KIF21A: variants seen among roughly 807,000 people sequenced by gnomAD.
The protein encoded by KIF21A is kinesin-like protein KIF21A.
In KIF21A, 114 loss-of-function variants were observed where a neutral mutation model predicts 202.9. The ratio of observed to expected loss-of-function variants is 0.56; its 90% CI spans 0.48 to 0.66. The LOEUF (loss-of-function observed/expected upper bound fraction) is 0.66, where lower values mean the gene tolerates loss of function less well. KIF21A is among the 30% of genes least tolerant of loss of function. The pLI, the probability that KIF21A is intolerant of heterozygous loss-of-function variation, is 0.00. For synonymous variants in KIF21A, 667 were observed against 670.8 expected (o/e 0.99, Z 0.09); for missense variants, 1,677 against 1,994.9 (o/e 0.84, Z 3.04).
At position 39,365,861 on chromosome 12, in the gene KIF21A, T is replaced by G. The variant is rs1949564615; in HGVS notation, c.903+489A>C. On this transcript the variant is annotated intron_variant, in intron 6 of 37. Transcript: ENST00000361418. Reference sequence around the variant, plus strand: ...CCCATCTCTACAAAAAATACAAAAATTATCTGGGTGTGGTGGCACTCGCCT... The same window carrying G: ...CCCATCTCTACAAAAAATACAAAAAGTATCTGGGTGTGGTGGCACTCGCCT... Among the ~76,000 whole-genome samples, 3 of 152,136 alleles carry G rather than the reference T, an allele frequency of 2.0e-5. No individual in the cohort carries two copies. The East Asian group carries it at 5.8e-4, about 29-fold the overall frequency.
intron 1 of KIF21A, among the ~76,000 whole-genome samples, chr12:39,420,176 C>T (rs1402124430): frequency 6.6e-6 from 1 of 151,878 alleles, no homozygotes; most frequent in African/African-American, 2.4e-5. Context: ...CTTCTCATTG[C>T]CCAACTGGAC....
At chr12:39,416,903 A>G (rs933672605) in intron 1 of KIF21A, among the ~76,000 whole-genome samples, 19 of 149,000 alleles carry the variant, frequency 1.3e-4, no homozygotes, top group African/African-American at 4.4e-4. Context: ...GTATATATAT[A>G]TGTACACACA....
chr12:39,411,060 C>T (rs928932129), intron 1 of KIF21A, among the ~76,000 whole-genome samples: 1 of 152,204 alleles, frequency 6.6e-6, no homozygotes, highest in Admixed American at 6.5e-5. Context: ...CAAGGCCTAA[C>T]TTAAACCTTG....
At chr12:39,369,958 C>G in intron 2 of KIF21A, 47 bp from the exon 3 acceptor site, 1 of 1,597,802 alleles carries the variant, frequency 6.3e-7, no homozygotes, top group Non-Finnish European at 8.6e-7. Context: ...TTAACATAAC[C>G]TTAAGAAACA....
intron 29 of KIF21A, among the ~76,000 whole-genome samples, chr12:39,317,457 A>G (rs962280191): frequency 1.3e-5 from 2 of 152,138 alleles, no homozygotes; most frequent in African/African-American, 4.8e-5. Context: ...CAATGTGTGG[A>G]TACTTTGTCA....
At chr12:39,392,904 A>T (rs150232007) in intron 1 of KIF21A, among the ~76,000 whole-genome samples, 1 of 148,470 alleles carries the variant, frequency 6.7e-6, no homozygotes, top group African/African-American at 2.5e-5. Flanking sequence ...AAATAAAAAG[A>T]TAATAAAATA....
intron 24 of KIF21A, among the ~76,000 whole-genome samples, chr12:39,328,570 T>C (rs370500640): frequency 4.6e-5 from 7 of 152,182 alleles, no homozygotes; most frequent in Non-Finnish European, 1.0e-4. Context: ...AACACAGATA[T>C]AGAAAAATAA....
At chr12:39,373,040 A>G (rs539384933) in intron 1 of KIF21A, among the ~76,000 whole-genome samples, 270 of 152,266 alleles carry the variant, frequency 1.8e-3, no homozygotes, top group African/African-American at 5.8e-3. Flanking sequence ...AGAATATTGC[A>G]AAGTCTTCTA....
intron 23 of KIF21A, 34 bp downstream of exon 23, chr12:39,330,712 C>CA (rs767613649): frequency 6.2e-7 from 1 of 1,606,390 alleles, no homozygotes; most frequent in East Asian, 2.2e-5. Flanking sequence ...AGCTACCATG[C>CA]AAATTCATTC....
At chr12:39,413,852 CAT>C (rs1953316357) in intron 1 of KIF21A, among the ~76,000 whole-genome samples, 1 of 151,988 alleles carries the variant, frequency 6.6e-6, no homozygotes, top group South Asian at 2.1e-4. Flanking sequence ...TCAAATGTAA[CAT>C]ATGGAATTAA....
At chr12:39,390,205 A>G (rs961779313) in intron 1 of KIF21A, among the ~76,000 whole-genome samples, 3 of 152,236 alleles carry the variant, frequency 2.0e-5, no homozygotes, top group African/African-American at 7.2e-5. Context: ...ACAACAACAA[A>G]AAAACACCTA....
intron 1 of KIF21A, among the ~76,000 whole-genome samples, chr12:39,375,661 T>A (rs1197030368): frequency 6.6e-6 from 1 of 152,088 alleles, no homozygotes; most frequent in East Asian, 1.9e-4. Flanking sequence ...CTCACATTAC[T>A]TATTGTACCA....
chr12:39,415,075 G>A (rs1268533950), intron 1 of KIF21A, among the ~76,000 whole-genome samples: 3 of 151,538 alleles, frequency 2.0e-5, no homozygotes, highest in Non-Finnish European at 2.9e-5. Flanking sequence ...TAGTCTAAAC[G>A]CACCTGAGAA....
chr12:39,326,375 A>AAC, intron 24 of KIF21A, 51 bp from the exon 25 acceptor site: 2 of 1,252,926 alleles, frequency 1.6e-6, no homozygotes, highest in Non-Finnish European at 2.3e-6. Context: ...CACAGTTTGA[A>AAC]TGGTGACTGC....
chr12:39,370,414 T>G (rs1949874901), intron 1 of KIF21A, among the ~76,000 whole-genome samples, 153 bp from the exon 2 acceptor site: 1 of 152,204 alleles, frequency 6.6e-6, no homozygotes, highest in Admixed American at 6.5e-5. Context: ...TAAATTGAAT[T>G]ATAATGAATC....
At chr12:39,391,550 C>A (rs1257734721) in intron 1 of KIF21A, among the ~76,000 whole-genome samples, 1 of 151,712 alleles carries the variant, frequency 6.6e-6, no homozygotes, top group South Asian at 2.1e-4. Context: ...CCAACCTGGG[C>A]AACATAGGAA....
At chr12:39,425,224 A>G (rs1954648784) in intron 1 of KIF21A, among the ~76,000 whole-genome samples, 1 of 152,096 alleles carries the variant, frequency 6.6e-6, no homozygotes, top group Admixed American at 6.6e-5. Flanking sequence ...AGTATATATC[A>G]ATATCTGGAT....
chr12:39,325,333 A>ATTT (rs200000503), intron 26 of KIF21A, among the ~76,000 whole-genome samples: 3 of 138,458 alleles, frequency 2.2e-5, no homozygotes, highest in African/African-American at 5.4e-5. Flanking sequence ...ACCAAGGAGA[A>ATTT]TTTTTTTTTT....
At chr12:39,329,962 A>C (rs1946365940) in intron 24 of KIF21A, 1 of 367,766 alleles carries the variant, frequency 2.7e-6, no homozygotes, top group Admixed American at 4.3e-5. Context: ...GAGAAAGAAC[A>C]CAGGGGGTTT....
Sources: gnomAD v4.1 joint callset for allele counts (sites outside exome capture counted in the v4.1 genomes callset) on GRCh38, gnomAD v4.1.1 for gene constraint, MANE v1.5 for transcripts, NCBI Gene and HGNC (gene_info 2026-07-23, HGNC 2026-07-21) for gene names.